The following DGKD variants were observed in gnomAD, a reference collection of about 807,000 sequenced individuals.
The protein encoded by DGKD is diacylglycerol kinase delta.
DGKD carries 68 observed loss-of-function variants against 154.4 expected under a neutral mutation model. The ratio of observed to expected loss-of-function variants is 0.44; its 90% CI spans 0.36 to 0.54. The LOEUF is 0.54. DGKD is among the 20% of genes least tolerant of loss of function. The pLI is 0.00. For synonymous variants in DGKD, 693 were observed against 638.0 expected, an observed-to-expected ratio of 1.09 and a Z score of -1.30; for missense variants, 1,343 against 1,593.6, an observed-to-expected ratio of 0.84 and a Z score of 2.68.
At chr2:233,456,199 A>G (rs1400307858) in intron 19 of DGKD, among the ~76,000 whole-genome samples, 2 of 152,200 alleles carry the variant, frequency 1.3e-5, no homozygotes, top group Admixed American at 1.3e-4. Flanking sequence ...CGTAGGTACG[A>G]AGGGACTCCT....
chr2:233,419,472 G>T, intron 3 of DGKD: 1 of 983,028 alleles, frequency 1.0e-6, no homozygotes, highest in Non-Finnish European at 1.2e-6. Context: ...CTGTTGGGTG[G>T]TGAGTTCAAG....
intron 1 of DGKD, 165 bp from the exon 2 acceptor site, chr2:233,388,080 CCCATGCCCCCGG>C: frequency 7.1e-7 from 1 of 1,407,438 alleles, no homozygotes; most frequent in Non-Finnish European, 9.4e-7. Flanking sequence ...GGTGCAACCC[CCCATGCCCCCGG>C]CAGCGTGCTG....
intron 3 of DGKD, among the ~76,000 whole-genome samples, chr2:233,395,187 T>C (rs901863781): frequency 6.6e-6 from 1 of 152,088 alleles, no homozygotes; most frequent in African/African-American, 2.4e-5. Context: ...TTATTTATTT[T>C]TGAGACAAGG....
At chr2:233,448,026 G>T in intron 12 of DGKD, 61 bp from the exon 13 acceptor site, 1 of 1,603,920 alleles carries the variant, frequency 6.2e-7, no homozygotes, top group South Asian at 1.1e-5. Context: ...GAGTCACTGG[G>T]ACTGTCATGG....
chr2:233,357,825 A>G (rs1261662132), intron 1 of DGKD, among the ~76,000 whole-genome samples: 1 of 152,122 alleles, frequency 6.6e-6, no homozygotes, highest in East Asian at 1.9e-4. Flanking sequence ...GCTTGAGCCA[A>G]TGCACCTGGC....
chr2:233,395,757 A>G (rs971857432), intron 3 of DGKD, among the ~76,000 whole-genome samples: 2 of 149,084 alleles, frequency 1.3e-5, no homozygotes, highest in Non-Finnish European at 3.0e-5. Context: ...CAGCCTTGAA[A>G]TATCAGGCTC....
intron 3 of DGKD, among the ~76,000 whole-genome samples, chr2:233,394,690 C>CTTTTTTTTTTTTTTTTTTTTTT (rs1703879704): frequency 2.4e-5 from 2 of 83,250 alleles, no homozygotes; most frequent in African/African-American, 4.4e-5. Flanking sequence ...AATTTAATTC[C>CTTTTTTTTTTTTTTTTTTTTTT]CTTTTTTTTT....
intron 27 of DGKD, among the ~76,000 whole-genome samples, chr2:233,465,600 T>A (rs549411760): frequency 4.1e-4 from 62 of 152,096 alleles, no homozygotes; most frequent in African/African-American, 1.4e-3. Flanking sequence ...AAAAAAAAAT[T>A]TTTTTTTAAA....
chr2:233,369,885 G>T (rs767592912), intron 1 of DGKD, among the ~76,000 whole-genome samples: 2 of 152,154 alleles, frequency 1.3e-5, no homozygotes, highest in African/African-American at 4.8e-5. Flanking sequence ...AGGGTAAAGG[G>T]TGTCTGCCTC....
At chr2:233,419,361 T>G in intron 3 of DGKD, 11 of 985,480 alleles carry the variant, frequency 1.1e-5, no homozygotes, top group Non-Finnish European at 1.3e-5. Context: ...TTGTGCTGGG[T>G]CACTTCAATT....
intron 19 of DGKD, among the ~76,000 whole-genome samples, 175 bp downstream of exon 19, chr2:233,455,048 G>C (rs939973643): frequency 6.6e-6 from 1 of 152,206 alleles, no homozygotes; most frequent in Non-Finnish European, 1.5e-5. Flanking sequence ...AGAGATGGAA[G>C]GGAAGCACCT....
chr2:233,431,569 A>C (rs1383515432), intron 3 of DGKD, among the ~76,000 whole-genome samples: 2 of 152,236 alleles, frequency 1.3e-5, no homozygotes, highest in Non-Finnish European at 2.9e-5. Flanking sequence ...TTCTGACTTC[A>C]CATTATACTA....
rs1483976661 is a variant in DGKD, at chr2:233,458,137, C to T, written c.2581-147C>T. ...CCCAGGCAGCTGGTTTCAGGGCCTG[C>T]AACATGAAGCCCGTCAGGAGTGCAG... is the stretch of plus-strand genomic sequence containing the variant. On this transcript the variant is annotated intron_variant, in intron 21 of 29. Coordinates refer to ENST00000264057, the MANE Select transcript of DGKD (RefSeq NM_152879.3). The surrounding 1 kb of genome is among the most constrained non-coding windows in gnomAD (Gnocchi z 6.6). The T allele has an allele frequency of 1.3e-5, 7 of 538,418 alleles. No homozygotes were observed. Among genetic ancestry groups the T allele is most frequent in the East Asian group, 1.2e-4 (4 of 34,524 alleles). 33.4% of individuals were successfully genotyped at this position (538,418 alleles called of 1,614,324 possible). A position where few individuals can be genotyped will look rare whatever the true frequency, so the allele number is the denominator to read the frequency against.
intron 17 of DGKD, 34 bp downstream of exon 17, chr2:233,451,084 G>T: frequency 1.3e-6 from 2 of 1,587,070 alleles, no homozygotes; most frequent in Non-Finnish European, 1.7e-6. Context: ...ACTGGTGGGG[G>T]CCCTAGCACA....
chr2:233,460,612 C>T (rs752586069), intron 24 of DGKD, among the ~76,000 whole-genome samples: 85 of 152,272 alleles, frequency 5.6e-4, no homozygotes, highest in Non-Finnish European at 3.7e-4. Flanking sequence ...CGGGCTCAGC[C>T]GGGCGCGGTG....
chr2:233,421,596 C>T (rs1277537945), intron 3 of DGKD, among the ~76,000 whole-genome samples: 1 of 152,194 alleles, frequency 6.6e-6, no homozygotes, highest in Non-Finnish European at 1.5e-5. Flanking sequence ...CAGCCCCAGC[C>T]ACGCACCACG....
At chr2:233,462,838 C>G (rs761229075) in intron 26 of DGKD, 103 bp downstream of exon 26, 18 of 1,066,762 alleles carry the variant, frequency 1.7e-5, no homozygotes, top group Middle Eastern at 2.7e-4. Flanking sequence ...GTCCAGAGTT[C>G]CCGGTCTTAA....
chr2:233,358,386 T>G (rs1165332623), intron 1 of DGKD, among the ~76,000 whole-genome samples: 1 of 152,218 alleles, frequency 6.6e-6, no homozygotes, highest in African/African-American at 2.4e-5. Flanking sequence ...TTTTTTCCAT[T>G]GTGAAATGAA....
chr2:233,375,607 A>G lies in DGKD; in HGVS notation c.157-12650A>G, dbSNP rs1335255109. 2.6e-5 allele frequency among the ~76,000 whole-genome samples: 4 copies of G among 152,264 alleles called. No individual in the cohort carries two copies. The South Asian group carries it at 6.2e-4, about 24-fold the overall frequency. On this transcript the variant is annotated intron_variant, in intron 1 of 29. Coordinates refer to ENST00000264057, the MANE Select transcript of DGKD (RefSeq NM_152879.3). The stretch of plus-strand genomic sequence containing the variant: ...TGCCTTGCCCTCTGAGGTGGGATCC[A>G]TAGGTCAGGAAGCTGGGGAGGCTGC...
Sources: allele counts gnomAD v4.1 joint callset (sites outside exome capture counted in the v4.1 genomes callset), GRCh38; gene constraint gnomAD v4.1.1; non-coding constraint Gnocchi (gnomAD v3.1); transcripts MANE v1.5; gene names NCBI Gene and HGNC (gene_info 2026-07-23, HGNC 2026-07-21).